Variants in GSG1L observed in about 807,000 individuals in gnomAD.
GSG1L encodes the protein GSG1 like.
In GSG1L, 24 loss-of-function variants were observed where a neutral mutation model predicts 42.1. The ratio of observed to expected loss-of-function variants is 0.57; its 90% CI spans 0.41 to 0.80. The LOEUF is 0.80. Ranked by LOEUF, GSG1L falls within the 30% of genes least tolerant of loss-of-function variation. GSG1L has a pLI of 0.00. For synonymous variants in GSG1L, 215 were observed against 203.5 expected, an observed-to-expected ratio of 1.06 and a Z score of -0.48; for missense variants, 445 against 472.2, an observed-to-expected ratio of 0.94 and a Z score of 0.53.
intron 1 of GSG1L, among the ~76,000 whole-genome samples, chr16:28,035,137 A>G (rs886972273): frequency 6.6e-6 from 1 of 151,806 alleles, no homozygotes; most frequent in Non-Finnish European, 1.5e-5. Context: ...CTCTTGAGTA[A>G]CTGGGACTAT....
At chr16:28,043,760 G>A (rs780378209) in intron 1 of GSG1L, among the ~76,000 whole-genome samples, 25 of 152,348 alleles carry the variant, frequency 1.6e-4, no homozygotes, top group African/African-American at 4.8e-4. Context: ...GGTGGCACAC[G>A]CCTGTAATCC....
chr16:27,889,735 G>T (rs1820318915), intron 2 of GSG1L, among the ~76,000 whole-genome samples: 1 of 152,136 alleles, frequency 6.6e-6, no homozygotes, highest in African/African-American at 2.4e-5. Flanking sequence ...CTTGCTTTCT[G>T]TTCTCCCTTC....
At chr16:27,919,079 T>C (rs774488116) in intron 2 of GSG1L, among the ~76,000 whole-genome samples, 1 of 152,194 alleles carries the variant, frequency 6.6e-6, no homozygotes, top group African/African-American at 2.4e-5. Context: ...TAAACTTGTC[T>C]GATTCCATCA....
At position 28,006,404 on chromosome 16, in the gene GSG1L, G is replaced by T. The variant is rs192807921; in HGVS notation, c.350-43201C>A. ...GCTCACTGCAACCTCTGCCTCCCGG[G>T]TTCAAGGGATTCTTGTGCCTCAGCC... On this transcript the variant is annotated intron_variant, in intron 1 of 6. Coordinates refer to ENST00000447459, the MANE Select transcript of GSG1L (RefSeq NM_001109763.2). Among the ~76,000 whole-genome samples the T allele has an allele frequency of 9.4e-3, 1,431 of 152,056 alleles. 18 individuals are homozygous for T. The highest frequency in any genetic ancestry group is 0.032 in the African/African-American group (1,306 of 41,460).
In GSG1L at chr16:27,967,669, T is replaced by A. The variant is rs113266956; in HGVS notation, c.350-4466A>T. Among the ~76,000 whole-genome samples the A allele has an allele frequency of 7.9e-4, 120 of 152,328 alleles. 1 individual carries two copies. The highest frequency in any genetic ancestry group is 2.8e-3 in the African/African-American group (116 of 41,576). ...GGTCAGGCACGGTGGCTCATGCCTA[T>A]AATCTCAGCACTTTCGGAGGATCAC... is the stretch of plus-strand genomic sequence containing the variant. On this transcript the variant is annotated intron_variant, in intron 1 of 6. Coordinates refer to ENST00000447459, the MANE Select transcript of GSG1L (RefSeq NM_001109763.2).
intron 2 of GSG1L, among the ~76,000 whole-genome samples, chr16:27,909,246 C>A (rs1415165592): frequency 1.3e-5 from 2 of 152,132 alleles, no homozygotes; most frequent in Non-Finnish European, 2.9e-5. Context: ...AGACTTTGGG[C>A]CCCAGAAGTC....
At chr16:27,857,847 T>A (rs2083599324) in intron 3 of GSG1L, among the ~76,000 whole-genome samples, 1 of 151,884 alleles carries the variant, frequency 6.6e-6, no homozygotes, top group African/African-American at 2.4e-5. Context: ...AGTCACTGTA[T>A]TCATGTCTCC....
chr16:27,912,499 A>T (rs1567516054), intron 2 of GSG1L, among the ~76,000 whole-genome samples: 3 of 152,214 alleles, frequency 2.0e-5, no homozygotes, highest in Admixed American at 2.0e-4. Flanking sequence ...CCTGAGCAAC[A>T]GAGCAAGACC....
At chr16:27,819,127 G>A (rs770016271) in intron 5 of GSG1L, among the ~76,000 whole-genome samples, 2 of 151,990 alleles carry the variant, frequency 1.3e-5, no homozygotes, top group African/African-American at 2.4e-5. Flanking sequence ...GCATGTGCCT[G>A]TAATCTCAGC....
intron 2 of GSG1L, among the ~76,000 whole-genome samples, chr16:27,923,993 A>G (rs973419636): frequency 5.3e-5 from 8 of 152,084 alleles, no homozygotes; most frequent in South Asian, 2.1e-4. Context: ...CAGTCTCCTC[A>G]AAGTAAAATA....
chr16:27,905,036 T>G (rs1185162926), intron 2 of GSG1L, among the ~76,000 whole-genome samples: 2 of 152,188 alleles, frequency 1.3e-5, no homozygotes, highest in Non-Finnish European at 2.9e-5. Flanking sequence ...AATAATGAAT[T>G]CAAATCTTTT....
rs1172660763 is a variant in GSG1L, at chr16:27,963,320, G to A, written c.350-117C>T. 5.9e-6 allele frequency: 5 copies of A among 853,018 alleles called. No homozygotes were observed. The African/African-American group carries it at 8.3e-5, about 14-fold the overall frequency. 52.8% of individuals were successfully genotyped at this position (853,018 alleles called of 1,614,324 possible). On this transcript the variant is annotated intron_variant, in intron 1 of 6. Transcript: ENST00000447459. ...CCAGTGTCTCTGACCCAAGCCCAGTGACATCTTTCTCCAACCCTGGTTCCT... is the reference window on the plus strand; with the variant it reads ...CCAGTGTCTCTGACCCAAGCCCAGTAACATCTTTCTCCAACCCTGGTTCCT...
intron 3 of GSG1L, chr16:27,863,127 A>G (rs1165278168): frequency 1.3e-5 from 2 of 152,052 alleles, no homozygotes; most frequent in Non-Finnish European, 1.5e-5. Flanking sequence ...CTTGCTATAA[A>G]GTTTTTGTTG....
chr16:28,059,714 G>A lies in GSG1L; in HGVS notation c.349+3362C>T, dbSNP rs555113911. Among the ~76,000 whole-genome samples the A allele has an allele frequency of 2.6e-5, 4 of 152,182 alleles. No homozygotes were observed. The highest frequency in any genetic ancestry group is 1.9e-4 in the East Asian group (1 of 5,176). ...GCTCCCCACCAAACCCCTCCCCAGCGTCTCAACCAGAAGAGAAATCCAATT... is the reference window on the plus strand; with the variant it reads ...GCTCCCCACCAAACCCCTCCCCAGCATCTCAACCAGAAGAGAAATCCAATT... On this transcript the variant is annotated intron_variant, in intron 1 of 6. Coordinates refer to ENST00000447459, the MANE Select transcript of GSG1L (RefSeq NM_001109763.2). This position sits in a 1 kb window ranked among gnomAD's most constrained non-coding sequence, Gnocchi z 4.4.
intron 1 of GSG1L, among the ~76,000 whole-genome samples, chr16:27,976,252 G>A (rs1311199607): frequency 6.6e-6 from 1 of 152,152 alleles, no homozygotes; most frequent in Admixed American, 6.5e-5. Flanking sequence ...TCCAGCCTGG[G>A]CAATAAGAGC....
chr16:27,979,683 GAA>G (rs2085295959), intron 1 of GSG1L, among the ~76,000 whole-genome samples: 1 of 57,606 alleles, frequency 1.7e-5, no homozygotes, highest in Non-Finnish European at 3.5e-5. Flanking sequence ...GAGAGAGAAA[GAA>G]AGAAGGAAGG....
chr16:27,831,124 G>A (rs77429646), intron 4 of GSG1L, among the ~76,000 whole-genome samples: 2,542 of 152,316 alleles, frequency 0.017, 69 homozygotes, highest in African/African-American at 0.057. Flanking sequence ...CTTGGCTGAA[G>A]CTACTGGGAA....
At chr16:27,906,308 G>A (rs2084320898) in intron 2 of GSG1L, among the ~76,000 whole-genome samples, 1 of 152,144 alleles carries the variant, frequency 6.6e-6, no homozygotes, top group South Asian at 2.1e-4. Context: ...AGAGCTTCTA[G>A]TAGAAGATAG....
In GSG1L at chr16:28,028,762, A is replaced by G. The variant is rs2085926422; in HGVS notation, c.349+34314T>C. ...AGAGAGCCAGCCTCAGGCTCGGGGC[A>G]GATCATACTATCTAGAGGAGACATA... On this transcript the variant is annotated intron_variant, in intron 1 of 6. Coordinates refer to ENST00000447459, the MANE Select transcript of GSG1L (RefSeq NM_001109763.2). Among the ~76,000 whole-genome samples the G allele has an allele frequency of 1.3e-5, 2 of 152,220 alleles. 1 individual carries two copies. Among genetic ancestry groups the G allele is most frequent in the South Asian group, 4.1e-4 (2 of 4,834 alleles).
Sources: gnomAD v4.1 joint callset for allele counts (sites outside exome capture counted in the v4.1 genomes callset) on GRCh38, gnomAD v4.1.1 for gene constraint, Gnocchi (gnomAD v3.1) non-coding constraint, MANE v1.5 for transcripts, NCBI Gene and HGNC (gene_info 2026-07-23, HGNC 2026-07-21) for gene names.